The following HS1BP3 variants were observed in gnomAD, a reference collection of about 807,000 sequenced individuals.
HS1BP3 encodes the protein HCLS1-binding protein 3.
A neutral mutation model predicts 33.5 loss-of-function variants in HS1BP3; 32 were observed. The observed-to-expected ratio is 0.95, with a 90% CI of 0.72 to 1.28. The LOEUF (loss-of-function observed/expected upper bound fraction) is 1.28. Among genes scored for constraint, HS1BP3 ranks in the 50% most tolerant of loss-of-function variants. HS1BP3 has a pLI of 0.00. For missense variants in HS1BP3, 486 were observed against 502.3 expected (o/e 0.97, Z 0.31); for synonymous variants, 187 against 209.2 (o/e 0.89, Z 0.92).
In HS1BP3 at chr2:20,619,081, G is replaced by T; in HGVS notation, c.1085C>A (p.Pro362Gln). The change falls in exon 7 of 7, where the codon CCG becomes CAG. Residue 362 changes from proline (P) to glutamine (Q), a missense_variant. Transcript: ENST00000304031. ...PAEAVAGQQK[P>Q]QEQIQAMDEM... ...GTCCATGGCTTGGATCTGCTCCTGC[G>T]GCTTCTGCTGCCCAGCCACAGCTTC... The T allele has an allele frequency of 6.2e-7, 1 of 1,614,138 alleles. No homozygotes were observed. Among genetic ancestry groups the T allele is most frequent in the South Asian group, 1.1e-5 (1 of 91,084 alleles).
chr2:20,602,122 C>T (rs1308910178), intron 2 of HS1BP3, among the ~76,000 whole-genome samples: 1 of 150,636 alleles, frequency 6.6e-6, no homozygotes, highest in South Asian at 2.1e-4. Context: ...GGGATGTCAT[C>T]CATGTGTTTG....
At chr2:20,637,038 C>CG (rs1553322970) in intron 4 of HS1BP3, 1 of 141,432 alleles carries the variant, frequency 7.1e-6, no homozygotes, top group African/African-American at 2.6e-5. Flanking sequence ...GCCCCCGCCC[C>CG]CCCCGCCCCG....
intron 6 of HS1BP3, among the ~76,000 whole-genome samples, chr2:20,620,237 G>T (rs1440732526): frequency 6.6e-6 from 1 of 152,252 alleles, no homozygotes; most frequent in Non-Finnish European, 1.5e-5. Context: ...TGGTCGCAGA[G>T]ATTAGCCCCG....
At chr2:20,559,991 G>A (rs1463716053), downstream of HS1BP3, among the ~76,000 whole-genome samples, 2 of 144,482 alleles carry the variant, frequency 1.4e-5, no homozygotes, top group Non-Finnish European at 2.9e-5. Context: ...CCTTAGCAGC[G>A]GGAATACCAG....
intron 2 of HS1BP3, among the ~76,000 whole-genome samples, chr2:20,609,134 C>T (rs897318862): frequency 2.0e-5 from 3 of 152,342 alleles, no homozygotes; most frequent in East Asian, 3.9e-4. Context: ...CTCTGTGGCT[C>T]TCCACCCATG....
chr2:20,631,513 T>C (rs1476541574), intron 4 of HS1BP3, among the ~76,000 whole-genome samples: 1 of 69,856 alleles, frequency 1.4e-5, no homozygotes, highest in East Asian at 3.9e-4. Context: ...TAAGAACCTG[T>C]CTCAAAAAAA....
chr2:20,562,058 G>T (rs529549484), intron 5 of HS1BP3, among the ~76,000 whole-genome samples: 1 of 152,188 alleles, frequency 6.6e-6, no homozygotes, highest in African/African-American at 2.4e-5. Context: ...TGCTAACCAC[G>T]TGGAGGTGCT....
downstream of HS1BP3, among the ~76,000 whole-genome samples, chr2:20,591,854 G>C (rs116572827): frequency 4.1e-4 from 63 of 152,238 alleles, 3 homozygotes; most frequent in African/African-American, 1.3e-3. Context: ...CCGAGCCACC[G>C]CACCTGGCCC....
At chr2:20,640,827 T>C in intron 3 of HS1BP3, 146 bp downstream of exon 3, 1 of 746,786 alleles carries the variant, frequency 1.3e-6, no homozygotes, top group African/African-American at 1.7e-5. Flanking sequence ...CAGCCAAGGA[T>C]GTCAGCGAGG....
At chr2:20,590,902 T>C (rs868435674), downstream of HS1BP3, 11 of 167,236 alleles carry the variant, frequency 6.6e-5, no homozygotes, top group African/African-American at 2.4e-4. Flanking sequence ...ACAGACTTGT[T>C]TAGGTGCAAA....
chr2:20,601,107 A>C lies in HS1BP3; in HGVS notation c.179-2842T>G, dbSNP rs1323144037. On this transcript the variant is annotated intron_variant, in intron 2 of 3. Transcript: ENST00000415264. ...CTCATGCCTTCTTGCAATTGAGTAC[A>C]ATGAAAATAGTTTATCATTAGCTTC... Among the ~76,000 whole-genome samples, 3 of 152,246 alleles carry C rather than the reference A, an allele frequency of 2.0e-5. No individual in the cohort carries two copies. The East Asian group carries it at 5.8e-4, about 29-fold the overall frequency.
chr2:20,596,144 T>A (rs1693937878), intron 3 of HS1BP3, among the ~76,000 whole-genome samples: 1 of 152,110 alleles, frequency 6.6e-6, no homozygotes, highest in Non-Finnish European at 1.5e-5. Flanking sequence ...AACTCTCCCC[T>A]CCTTCCCCGT....
chr2:20,578,510 G>A (rs1472614423), intron 5 of HS1BP3, among the ~76,000 whole-genome samples: 2 of 152,210 alleles, frequency 1.3e-5, no homozygotes, highest in Admixed American at 6.5e-5. Flanking sequence ...GGCTCTCGCA[G>A]GCAGCCCCAC....
At chr2:20,556,917 T>C (rs1361336098), downstream of HS1BP3, among the ~76,000 whole-genome samples, 3 of 152,226 alleles carry the variant, frequency 2.0e-5, no homozygotes, top group East Asian at 5.8e-4. Flanking sequence ...TGAACTGGCT[T>C]TCTGGTTCCT....
intron 5 of HS1BP3, among the ~76,000 whole-genome samples, chr2:20,566,638 C>T (rs1488683435): frequency 3.4e-5 from 5 of 149,032 alleles, no homozygotes; most frequent in Admixed American, 2.7e-4. Context: ...TGGAGTTTTG[C>T]TCTTGTCACC....
chr2:20,618,739 C>A lies in HS1BP3; in HGVS notation c.*248G>T. The A allele has an allele frequency of 1.5e-6, 2 of 1,306,464 alleles. No homozygotes were observed. Among genetic ancestry groups the A allele is most frequent in the Non-Finnish European group, 1.9e-6 (2 of 1,029,084 alleles). The allele number at this position is 1,306,464 out of a possible 1,614,324, so 80.9% of individuals were successfully genotyped here. On this transcript the variant is annotated 3_prime_UTR_variant, in exon 7 of 7. Coordinates refer to ENST00000304031, the MANE Select transcript of HS1BP3 (RefSeq NM_022460.4). Reference sequence around the variant, plus strand: ...CCACACCCTCCCTCCCCTTCATGTCCACGGGGAATAAGACACATTGGGCTC... The same window carrying A: ...CCACACCCTCCCTCCCCTTCATGTCAACGGGGAATAAGACACATTGGGCTC...
chr2:20,646,601 C>T (rs897450774), intron 1 of HS1BP3, among the ~76,000 whole-genome samples: 3 of 152,262 alleles, frequency 2.0e-5, no homozygotes, highest in East Asian at 3.8e-4. Context: ...CCTCCCGCGG[C>T]GTAGGGCACC....
At chr2:20,629,227 G>C (rs372015036) in intron 4 of HS1BP3, among the ~76,000 whole-genome samples, 4 of 152,254 alleles carry the variant, frequency 2.6e-5, no homozygotes, top group African/African-American at 9.6e-5. Context: ...AACACCTCAG[G>C]GTTGTCATGA....
chr2:20,606,954 G>A (rs1467439794), intron 2 of HS1BP3, among the ~76,000 whole-genome samples: 2 of 148,282 alleles, frequency 1.3e-5, no homozygotes, highest in African/African-American at 2.4e-5. Flanking sequence ...TTTTAGTTTC[G>A]ATAAATTCAT....
Sources: allele counts gnomAD v4.1 joint callset (sites outside exome capture counted in the v4.1 genomes callset), GRCh38; gene constraint gnomAD v4.1.1; transcripts MANE v1.5; gene names NCBI Gene and HGNC (gene_info 2026-07-23, HGNC 2026-07-21).